CERS6: variants seen among roughly 807,000 people sequenced by gnomAD.
CERS6 encodes the protein LAG1 homolog, ceramide synthase 6.
CERS6 carries 26 observed loss-of-function variants against 56.8 expected under a neutral mutation model. That is an observed-to-expected ratio of 0.46 (90% CI 0.34 to 0.63). The LOEUF is 0.63. Ranked by LOEUF, CERS6 falls within the 30% of genes least tolerant of loss-of-function variation. CERS6 has a pLI of 0.01. For missense variants in CERS6, 415 were observed against 467.5 expected (o/e 0.89, Z 1.04); for synonymous variants, 164 against 173.3 (o/e 0.95, Z 0.42).
At chr2:168,706,330 T>C (rs11681196) in intron 6 of CERS6, among the ~76,000 whole-genome samples, 45,293 of 152,066 alleles carry the variant, frequency 0.3, 7,977 homozygotes, top group East Asian at 0.59. Flanking sequence ...ATAAAATAAC[T>C]AAAGATTAAA....
At chr2:168,471,120 TA>T (rs1693970186) in intron 1 of CERS6, among the ~76,000 whole-genome samples, 1 of 152,194 alleles carries the variant, frequency 6.6e-6, no homozygotes, top group African/African-American at 2.4e-5. Context: ...GACCATGGCT[TA>T]CCGCTTATTT....
intron 1 of CERS6, among the ~76,000 whole-genome samples, chr2:168,482,293 G>C (rs1401909417): frequency 6.6e-6 from 1 of 152,328 alleles, no homozygotes; most frequent in Admixed American, 6.5e-5. Flanking sequence ...AGTTATGGTG[G>C]ACTAGATCAA....
At chr2:168,669,158 G>C (rs1685844851) in intron 4 of CERS6, among the ~76,000 whole-genome samples, 1 of 152,136 alleles carries the variant, frequency 6.6e-6, no homozygotes, top group African/African-American at 2.4e-5. Context: ...TAAGGATATG[G>C]GGACTCTCTG....
intron 4 of CERS6, among the ~76,000 whole-genome samples, chr2:168,639,853 T>A (rs949972009): frequency 7.9e-5 from 12 of 152,158 alleles, no homozygotes; most frequent in African/African-American, 2.9e-4. Flanking sequence ...GTGTTTGTGC[T>A]TTGTTTTGTT....
At chr2:168,612,750 C>T (rs1371782156) in intron 3 of CERS6, among the ~76,000 whole-genome samples, 1 of 152,188 alleles carries the variant, frequency 6.6e-6, no homozygotes, top group Non-Finnish European at 1.5e-5. Context: ...GTGACAGTGC[C>T]TTAGGCCATC....
intron 3 of CERS6, among the ~76,000 whole-genome samples, chr2:168,614,031 A>C (rs770771331): frequency 8.5e-5 from 13 of 152,240 alleles, no homozygotes; most frequent in South Asian, 2.1e-4. Context: ...TTTCTTATGC[A>C]GGAGTGCAAG....
chr2:168,687,861 G>A (rs1322117044), intron 4 of CERS6, among the ~76,000 whole-genome samples: 2 of 152,046 alleles, frequency 1.3e-5, no homozygotes, highest in Non-Finnish European at 2.9e-5. Flanking sequence ...ATGCCACCGT[G>A]CCTAGCTAGT....
At chr2:168,731,074 T>C (rs1683519052) in intron 8 of CERS6, among the ~76,000 whole-genome samples, 2 of 152,202 alleles carry the variant, frequency 1.3e-5, no homozygotes, top group South Asian at 2.1e-4. Context: ...AATCACTTAA[T>C]ATTTTTAGAT....
chr2:168,680,508 G>C (rs6752810), intron 4 of CERS6, among the ~76,000 whole-genome samples: 20,524 of 151,960 alleles, frequency 0.14, 1,797 homozygotes, highest in African/African-American at 0.24. Flanking sequence ...CATTCTGTTT[G>C]TCCTCTGTCT....
intron 8 of CERS6, among the ~76,000 whole-genome samples, chr2:168,760,428 G>A (rs554213025): frequency 6.6e-6 from 1 of 152,064 alleles, no homozygotes; most frequent in African/African-American, 2.4e-5. Context: ...CCAGATTAAG[G>A]GTGGGTCAGC....
chr2:168,657,344 C>T (rs2105324055), intron 4 of CERS6, among the ~76,000 whole-genome samples: 1 of 152,390 alleles, frequency 6.6e-6, no homozygotes, highest in South Asian at 2.1e-4. Flanking sequence ...CTCTCCACGT[C>T]CCCACCAGAC....
intron 4 of CERS6, among the ~76,000 whole-genome samples, chr2:168,651,445 G>A (rs568653410): frequency 6.6e-6 from 1 of 152,186 alleles, no homozygotes; most frequent in Non-Finnish European, 1.5e-5. Context: ...TTAAGTAACT[G>A]TATTAGTTCG....
chr2:168,521,756 C>A (rs1694986843), intron 1 of CERS6, among the ~76,000 whole-genome samples: 1 of 152,176 alleles, frequency 6.6e-6, no homozygotes, highest in Non-Finnish European at 1.5e-5. Context: ...GCAAAGATTT[C>A]CAAGGTCTGC....
At chr2:168,590,421 A>G (rs572898346) in intron 3 of CERS6, among the ~76,000 whole-genome samples, 12 of 152,322 alleles carry the variant, frequency 7.9e-5, no homozygotes, top group African/African-American at 2.4e-4. Context: ...GTATGTATGT[A>G]TGTATTTATA....
intron 4 of CERS6, 94 bp from the exon 5 acceptor site, chr2:168,690,940 C>A: frequency 8.7e-7 from 1 of 1,149,484 alleles, no homozygotes; most frequent in Non-Finnish European, 1.3e-6. Context: ...TTATTGAAAT[C>A]CAAAAATATT....
At chr2:168,678,825 C>T (rs1439678266) in intron 4 of CERS6, among the ~76,000 whole-genome samples, 1 of 152,190 alleles carries the variant, frequency 6.6e-6, no homozygotes, top group Non-Finnish European at 1.5e-5. Flanking sequence ...AGCAATCCCA[C>T]TACTGGGTAT....
At chr2:168,501,286 A>C (rs1246903533) in intron 1 of CERS6, among the ~76,000 whole-genome samples, 1 of 152,192 alleles carries the variant, frequency 6.6e-6, no homozygotes, top group Non-Finnish European at 1.5e-5. Context: ...ACTCCCTATA[A>C]ATTAACAGCA....
At chr2:168,656,402 G>A (rs977728334) in intron 4 of CERS6, among the ~76,000 whole-genome samples, 17 of 152,120 alleles carry the variant, frequency 1.1e-4, no homozygotes, top group African/African-American at 3.9e-4. Flanking sequence ...GGACCCTCGC[G>A]GTGAGTGTTA....
intron 1 of CERS6, among the ~76,000 whole-genome samples, chr2:168,521,049 C>T (rs550597405): frequency 2.6e-5 from 4 of 152,180 alleles, no homozygotes; most frequent in South Asian, 4.1e-4. Context: ...TAGACATATA[C>T]GTTTCTGTTT....
Sources: allele counts gnomAD v4.1 joint callset (sites outside exome capture counted in the v4.1 genomes callset), GRCh38; gene constraint gnomAD v4.1.1; transcripts MANE v1.5; gene names NCBI Gene and HGNC (gene_info 2026-07-23, HGNC 2026-07-21).